Variants in KDM4B observed in about 807,000 individuals in gnomAD.
KDM4B encodes the protein lysine demethylase 4B.
KDM4B carries 32 observed loss-of-function variants against 125.2 expected under a neutral mutation model. The ratio of observed to expected loss-of-function variants is 0.26; its 90% CI spans 0.19 to 0.34. The LOEUF (loss-of-function observed/expected upper bound fraction) is 0.34. Ranked by LOEUF, KDM4B falls within the 10% of genes least tolerant of loss-of-function variation. KDM4B has a pLI of 1.00. For synonymous variants in KDM4B, 721 were observed against 677.9 expected, an observed-to-expected ratio of 1.06 and a Z score of -0.99; for missense variants, 1,190 against 1,577.7, an observed-to-expected ratio of 0.75 and a Z score of 4.16.
chr19:4,994,564 T>TAA (rs1460534231), intron 1 of KDM4B, among the ~76,000 whole-genome samples: 1 of 36,236 alleles, frequency 2.8e-5, no homozygotes, highest in African/African-American at 1.3e-4. Context: ...ACTCTGTCTC[T>TAA]CAAAAAAAAA....
chr19:4,979,243 A>G (rs1468899460), intron 1 of KDM4B, among the ~76,000 whole-genome samples: 5 of 152,140 alleles, frequency 3.3e-5, no homozygotes, highest in African/African-American at 4.8e-5. Context: ...TGATTACACC[A>G]CTGCACTCCA....
At chr19:5,145,435 G>A (rs1378934692) in intron 21 of KDM4B, among the ~76,000 whole-genome samples, 1 of 151,894 alleles carries the variant, frequency 6.6e-6, no homozygotes, top group Non-Finnish European at 1.5e-5. Context: ...ACAAAAATTA[G>A]CTGGGCTTAG....
intron 1 of KDM4B, among the ~76,000 whole-genome samples, chr19:5,001,252 G>A (rs987872181): frequency 6.6e-6 from 1 of 152,068 alleles, no homozygotes; most frequent in Non-Finnish European, 1.5e-5. Context: ...TGCCCAGGCT[G>A]GTCTCAAACT....
In KDM4B at chr19:5,082,162, C is replaced by T. The variant is rs1489122403; in HGVS notation, c.781-205C>T. 2.6e-5 allele frequency among the ~76,000 whole-genome samples: 4 copies of T among 152,184 alleles called. No individual in the cohort carries two copies. Among genetic ancestry groups the T allele is most frequent in the South Asian group, 2.1e-4 (1 of 4,832 alleles). On this transcript the variant is annotated intron_variant, in intron 8 of 22. Transcript: ENST00000159111. The surrounding 1 kb of genome is among the most constrained non-coding windows in gnomAD (Gnocchi z 5.4). Reference sequence around the variant, plus strand: ...AGTGGAGGTTGCAGAGCTGTGGCTGCGGCTGCTCACTATGTCCTTCATGAG... The same window carrying T: ...AGTGGAGGTTGCAGAGCTGTGGCTGTGGCTGCTCACTATGTCCTTCATGAG...
chr19:5,041,601 G>A (rs954804874), intron 5 of KDM4B, among the ~76,000 whole-genome samples: 1 of 152,192 alleles, frequency 6.6e-6, no homozygotes, highest in African/African-American at 2.4e-5. Context: ...TCCTCAGCCC[G>A]CCAGGCCACC....
chr19:5,048,296 G>C (rs1467097871), intron 6 of KDM4B, among the ~76,000 whole-genome samples: 2 of 152,234 alleles, frequency 1.3e-5, no homozygotes, highest in African/African-American at 4.8e-5. Flanking sequence ...GGGTGTGTGT[G>C]AATGTGCACG....
At chr19:5,089,263 C>T (rs560499626) in intron 9 of KDM4B, among the ~76,000 whole-genome samples, 2 of 152,316 alleles carry the variant, frequency 1.3e-5, no homozygotes, top group South Asian at 2.1e-4. Flanking sequence ...AGAATAAAAA[C>T]TGGGCAGCCT....
chr19:5,042,565 T>C (rs898689072), intron 5 of KDM4B, among the ~76,000 whole-genome samples: 1 of 151,032 alleles, frequency 6.6e-6, no homozygotes, highest in Non-Finnish European at 1.5e-5. Context: ...AAAGGTTTAA[T>C]TGGTTCACGT....
chr19:4,982,093 C>A (rs1192708617), intron 1 of KDM4B, among the ~76,000 whole-genome samples: 1 of 151,888 alleles, frequency 6.6e-6, no homozygotes, highest in Non-Finnish European at 1.5e-5. Context: ...GAGTTTGAGA[C>A]CAGCCTGGCC....
chr19:5,103,931 C>A (rs961761102), intron 9 of KDM4B, among the ~76,000 whole-genome samples: 3 of 152,230 alleles, frequency 2.0e-5, no homozygotes, highest in Non-Finnish European at 2.9e-5. Context: ...AGAACCAGGG[C>A]AGGCCAGCCA....
At chr19:5,123,200 C>G (rs1254243362) in intron 11 of KDM4B, among the ~76,000 whole-genome samples, 1 of 152,224 alleles carries the variant, frequency 6.6e-6, no homozygotes, top group African/African-American at 2.4e-5. Context: ...TCGCGTGGCA[C>G]GGGGCTTCTC....
chr19:5,001,255 C>A (rs1230859759), intron 1 of KDM4B, among the ~76,000 whole-genome samples: 1 of 152,072 alleles, frequency 6.6e-6, no homozygotes, highest in Non-Finnish European at 1.5e-5. Context: ...CCAGGCTGGT[C>A]TCAAACTCCC....
At chr19:5,043,203 T>C (rs1444614986) in intron 5 of KDM4B, among the ~76,000 whole-genome samples, 1 of 140,932 alleles carries the variant, frequency 7.1e-6, no homozygotes, top group Non-Finnish European at 1.5e-5. Context: ...TTTATTGGAG[T>C]GGGGTGTCCA....
intron 2 of KDM4B, among the ~76,000 whole-genome samples, chr19:5,016,608 T>C (rs263050): frequency 0.38 from 57,294 of 152,114 alleles, 11,669 homozygotes; most frequent in East Asian, 0.72. Flanking sequence ...TTCTAGAAAC[T>C]GGAAAAGCTG....
rs1161761978 is a variant in KDM4B, at chr19:5,141,893, G to C, written c.2551-2074G>C. ...AGGCGCCTCCAGGGCAGCAGGAGGG[G>C]TGGGCAGTTGCACCAGCTCTCTCCA... On this transcript the variant is annotated intron_variant, in intron 18 of 22. Coordinates refer to ENST00000159111, the MANE Select transcript of KDM4B (RefSeq NM_015015.3). The surrounding 1 kb of genome is among the most constrained non-coding windows in gnomAD (Gnocchi z 6.4). Among the ~76,000 whole-genome samples the C allele has an allele frequency of 6.6e-6, 1 of 152,152 alleles. No individual in the cohort carries two copies. Among genetic ancestry groups the C allele is most frequent in the Non-Finnish European group, 1.5e-5 (1 of 68,010 alleles).
chr19:5,007,679 G>A (rs1033995671), intron 1 of KDM4B, among the ~76,000 whole-genome samples: 3 of 151,760 alleles, frequency 2.0e-5, no homozygotes, highest in African/African-American at 7.3e-5. Context: ...CCGAGTAGCT[G>A]GGACTGCAGG....
At position 5,035,671 on chromosome 19, in the gene KDM4B, A is replaced by G. The variant is rs1212401101; in HGVS notation, c.141+2640A>G. On this transcript the variant is annotated intron_variant, in intron 3 of 22. Transcript: ENST00000159111. This position sits in a 1 kb window ranked among gnomAD's most constrained non-coding sequence, Gnocchi z 5.3. ...CGAGATTCTTGGCACCGGCGTCTTA[A>G]GCCAGTGTGGGGAGTATGGTTTCCC... Among the ~76,000 whole-genome samples the G allele has an allele frequency of 3.3e-5, 5 of 151,650 alleles. No individual in the cohort carries two copies. The highest frequency in any genetic ancestry group is 1.2e-4 in the African/African-American group (5 of 41,240).
intron 21 of KDM4B, among the ~76,000 whole-genome samples, chr19:5,148,641 G>A (rs868701735): frequency 1.3e-5 from 2 of 151,976 alleles, no homozygotes; most frequent in Non-Finnish European, 2.9e-5. Flanking sequence ...AAAACCCGCT[G>A]CTGCCCGTGG....
chr19:5,082,653 C>CA lies in KDM4B; in HGVS notation c.918+150dup, dbSNP rs1393409900. 2.6e-5 allele frequency: 23 copies of CA among 898,500 alleles called. No individual in the cohort carries two copies. In the Admixed American group the frequency reaches 5.5e-4, roughly 21 times the overall value. The allele number at this position is 898,500 out of a possible 1,614,324, so 55.7% of individuals were successfully genotyped here. A position where few individuals can be genotyped will look rare whatever the true frequency, so the allele number is the denominator to read the frequency against. On this transcript the variant is annotated intron_variant, in intron 9 of 22. Coordinates refer to ENST00000159111, the MANE Select transcript of KDM4B (RefSeq NM_015015.3). This position sits in a 1 kb window ranked among gnomAD's most constrained non-coding sequence, Gnocchi z 5.4. ...AACCAGGGTCTGATTCTGGGCTCCT[C>CA]AGAGAGCTTTTGCCCAGAACGCTCC...
Sources: gnomAD v4.1 joint callset for allele counts (sites outside exome capture counted in the v4.1 genomes callset) on GRCh38, gnomAD v4.1.1 for gene constraint, Gnocchi (gnomAD v3.1) non-coding constraint, MANE v1.5 for transcripts, NCBI Gene and HGNC (gene_info 2026-07-23, HGNC 2026-07-21) for gene names.